The following SCAPER variants were observed in gnomAD, a reference collection of about 807,000 sequenced individuals.
The protein encoded by SCAPER is S phase cyclin A-associated protein in the endoplasmic reticulum.
A neutral mutation model predicts 182.2 loss-of-function variants in SCAPER; 98 were observed. The observed-to-expected ratio is 0.54, with a 90% CI of 0.46 to 0.64. SCAPER has a LOEUF of 0.64. Ranked by LOEUF, SCAPER falls within the 30% of genes least tolerant of loss-of-function variation. SCAPER has a pLI of 0.00. For missense variants in SCAPER, 1,432 were observed against 1,690.0 expected, an observed-to-expected ratio of 0.85 and a Z score of 2.68; for synonymous variants, 605 against 564.6, an observed-to-expected ratio of 1.07 and a Z score of -1.01.
intron 25 of SCAPER, among the ~76,000 whole-genome samples, chr15:76,446,167 CAG>C (rs1460272352): frequency 2.0e-5 from 3 of 152,126 alleles, no homozygotes; most frequent in African/African-American, 4.8e-5. Flanking sequence ...AACTAGGGTT[CAG>C]AGAGGTTAAA....
chr15:76,798,781 G>T (rs1326809900), intron 7 of SCAPER, among the ~76,000 whole-genome samples: 1 of 152,102 alleles, frequency 6.6e-6, no homozygotes, highest in African/African-American at 2.4e-5. Flanking sequence ...TATTAACCAA[G>T]AATTCTACAT....
chr15:76,876,159 C>T (rs1444938500), intron 2 of SCAPER, among the ~76,000 whole-genome samples: 1 of 152,214 alleles, frequency 6.6e-6, no homozygotes, highest in East Asian at 1.9e-4. Flanking sequence ...GGCCCGCAAG[C>T]GCCACGCACA....
At chr15:76,832,663 CT>C (rs1411190192) in intron 5 of SCAPER, among the ~76,000 whole-genome samples, 4 of 152,160 alleles carry the variant, frequency 2.6e-5, no homozygotes, top group Admixed American at 2.6e-4. Flanking sequence ...AGGGTGAATC[CT>C]TTATGAACGG....
intron 15 of SCAPER, among the ~76,000 whole-genome samples, chr15:76,747,241 C>T (rs956524083): frequency 2.6e-5 from 4 of 152,202 alleles, no homozygotes; most frequent in African/African-American, 4.8e-5. Context: ...TGGTGGCTCA[C>T]ACCTGTAATC....
chr15:76,841,502 C>T (rs190053223), intron 5 of SCAPER, among the ~76,000 whole-genome samples: 1 of 152,142 alleles, frequency 6.6e-6, no homozygotes, highest in Non-Finnish European at 1.5e-5. Context: ...CAAAAATTAG[C>T]CAGGTGTGGT....
At chr15:76,348,886 TG>T in intron 31 of SCAPER, 150 bp from the exon 32 acceptor site, 1 of 561,706 alleles carries the variant, frequency 1.8e-6, no homozygotes, top group Non-Finnish European at 3.2e-6. Flanking sequence ...ATAAGGTGAT[TG>T]ATCTATATGT....
chr15:76,879,874 A>G (rs1250297674), intron 2 of SCAPER, among the ~76,000 whole-genome samples: 1 of 152,150 alleles, frequency 6.6e-6, no homozygotes, highest in Non-Finnish European at 1.5e-5. Context: ...TTTAAATCAT[A>G]CACTTAATGT....
intron 24 of SCAPER, among the ~76,000 whole-genome samples, chr15:76,477,785 C>A (rs1425615965): frequency 6.6e-6 from 1 of 152,058 alleles, no homozygotes; most frequent in South Asian, 2.1e-4. Context: ...TGTCTATTTA[C>A]ATTTTCTTGC....
At chr15:76,435,475 C>T (rs936840763) in intron 25 of SCAPER, among the ~76,000 whole-genome samples, 2 of 152,044 alleles carry the variant, frequency 1.3e-5, no homozygotes, top group South Asian at 4.1e-4. Context: ...GATTCTTTTT[C>T]CTTCTCCAAA....
intron 22 of SCAPER, among the ~76,000 whole-genome samples, chr15:76,582,002 G>C (rs749908011): frequency 2.6e-5 from 4 of 152,164 alleles, no homozygotes; most frequent in Non-Finnish European, 5.9e-5. Flanking sequence ...CACAGAGCTA[G>C]TATACTGAAC....
At chr15:76,525,721 G>A (rs139321457) in intron 23 of SCAPER, among the ~76,000 whole-genome samples, 1 of 152,124 alleles carries the variant, frequency 6.6e-6, no homozygotes, top group Non-Finnish European at 1.5e-5. Context: ...AGTATTCAAT[G>A]GTGTATATAT....
At chr15:76,584,065 A>T (rs2048456546) in intron 22 of SCAPER, among the ~76,000 whole-genome samples, 1 of 152,250 alleles carries the variant, frequency 6.6e-6, no homozygotes. Context: ...TAGTATATGT[A>T]CAGAATGGAA....
Position 76,490,496 on chromosome 15 carries a change from T to A in SCAPER, c.2954+14363A>T, listed in dbSNP as rs529639500. 2.1e-4 allele frequency among the ~76,000 whole-genome samples: 32 copies of A among 152,318 alleles called. No homozygotes were observed. The South Asian group carries it at 5.8e-3, about 28-fold the overall frequency. On this transcript the variant is annotated intron_variant, in intron 24 of 31. Coordinates refer to ENST00000563290, the MANE Select transcript of SCAPER (RefSeq NM_020843.4). The stretch of plus-strand genomic sequence containing the variant: ...TCCTTTGTCCATTTTTTAATTAAGT[T>A]GTTAATATTTTTGTTGAGTTGTAAG...
At chr15:76,637,408 G>A (rs542962351) in intron 21 of SCAPER, among the ~76,000 whole-genome samples, 29 of 151,954 alleles carry the variant, frequency 1.9e-4, no homozygotes, top group South Asian at 1.5e-3. Context: ...TCTTGTTACC[G>A]TCTTTTTAAA....
chr15:76,736,278 G>A (rs1473251500), intron 15 of SCAPER, among the ~76,000 whole-genome samples: 1 of 152,118 alleles, frequency 6.6e-6, no homozygotes, highest in East Asian at 1.9e-4. Context: ...CTTTTTTTCT[G>A]GTGGAGAGTC....
chr15:76,719,021 C>T (rs973184126), intron 17 of SCAPER, among the ~76,000 whole-genome samples: 6 of 152,110 alleles, frequency 3.9e-5, no homozygotes, highest in African/African-American at 1.4e-4. Context: ...ATAGAACTAC[C>T]ATAGGACCCA....
intron 23 of SCAPER, among the ~76,000 whole-genome samples, chr15:76,516,209 T>A (rs986985064): frequency 4.0e-5 from 6 of 151,680 alleles, no homozygotes; most frequent in South Asian, 4.1e-4. Flanking sequence ...TATATTCTTT[T>A]AAAAAATTTT....
intron 8 of SCAPER, among the ~76,000 whole-genome samples, chr15:76,777,970 ATTT>A (rs1232261406): frequency 6.6e-6 from 1 of 152,304 alleles, no homozygotes; most frequent in African/African-American, 2.4e-5. Context: ...TACAAAGCCT[ATTT>A]TATAATAGAG....
At chr15:76,381,006 A>G (rs988144919) in intron 28 of SCAPER, 2 of 153,678 alleles carry the variant, frequency 1.3e-5, no homozygotes, top group African/African-American at 4.8e-5. Context: ...AATTCCAGAC[A>G]AAAGATTTAT....
Sources: gnomAD v4.1 joint callset for allele counts (sites outside exome capture counted in the v4.1 genomes callset) on GRCh38, gnomAD v4.1.1 for gene constraint, MANE v1.5 for transcripts, NCBI Gene and HGNC (gene_info 2026-07-23, HGNC 2026-07-21) for gene names.